The following PRKCA variants were observed in gnomAD, a reference collection of about 807,000 sequenced individuals.
The protein encoded by PRKCA is protein kinase C alpha.
PRKCA carries 27 observed loss-of-function variants against 87.0 expected under a neutral mutation model. The observed-to-expected ratio is 0.31, with a 90% confidence interval of 0.23 to 0.43. The LOEUF (loss-of-function observed/expected upper bound fraction) is 0.43, where lower values mean the gene tolerates loss of function less well. Ranked by LOEUF, PRKCA falls within the 20% of genes least tolerant of loss-of-function variation. PRKCA has a pLI of 1.00. For missense variants in PRKCA, 518 were observed against 852.3 expected (o/e 0.61, Z 4.88); for synonymous variants, 329 against 311.1 (o/e 1.06, Z -0.61).
chr17:66,688,862 G>A (rs1972701489), intron 7 of PRKCA, 89 bp from the exon 8 acceptor site: 20 of 776,158 alleles, frequency 2.6e-5, no homozygotes, highest in Non-Finnish European at 3.8e-5. Context: ...CTCTCCGTAG[G>A]ATGCGTTTCA....
intron 16 of PRKCA, among the ~76,000 whole-genome samples, chr17:66,802,524 C>CAA (rs923944049): frequency 7.5e-6 from 1 of 132,684 alleles, no homozygotes; most frequent in African/African-American, 2.8e-5. Flanking sequence ...GACTCCATCT[C>CAA]AAAAAAAAAA....
intron 3 of PRKCA, among the ~76,000 whole-genome samples, chr17:66,497,853 G>C (rs1040143623): frequency 3.3e-5 from 5 of 152,208 alleles, no homozygotes; most frequent in Admixed American, 2.0e-4. Context: ...TGTAACACAA[G>C]TAAGAAGGAA....
rs1975963083 is a variant in PRKCA at position 66,803,959 on chromosome 17, C to T, written c.1941C>T (p.Asn647=). The T allele has an allele frequency of 1.2e-6, 2 of 1,614,014 alleles. No individual in the cohort carries two copies. The highest frequency in any genetic ancestry group is 3.3e-5 in the Admixed American group (2 of 60,002). Residue 647 remains asparagine, a synonymous_variant, in exon 17 of 17, where the codon AAC becomes AAT. Transcript: ENST00000413366. This position sits in a 1 kb window ranked among gnomAD's most constrained non-coding sequence, Gnocchi z 4.4. ...CACCTGATCAGCTGGTTATTGCTAA[C>T]ATAGACCAGTCTGATTTTGAAGGGT... ...LTPPDQLVIA[N]IDQSDFEGFS...
rs150614434 is a variant in PRKCA, at chr17:66,608,101, C to T, written c.289-33254C>T. On this transcript the variant is annotated intron_variant, in intron 3 of 16. Transcript: ENST00000413366. Reference sequence around the variant, plus strand: ...GGTCTTGGAATACATTGAAGCACACCGATTGGAGCACACCGACTGAAGCAC... The same window carrying T: ...GGTCTTGGAATACATTGAAGCACACTGATTGGAGCACACCGACTGAAGCAC... Among the ~76,000 whole-genome samples, 248 of 152,104 alleles carry T rather than the reference C, an allele frequency of 1.6e-3. 1 individual carries two copies. Among genetic ancestry groups the T allele is most frequent in the Non-Finnish European group, 2.8e-3 (190 of 67,994 alleles).
intron 16 of PRKCA, among the ~76,000 whole-genome samples, chr17:66,801,681 A>G (rs1393970608): frequency 6.6e-6 from 1 of 152,188 alleles, no homozygotes; most frequent in Non-Finnish European, 1.5e-5. Flanking sequence ...GTGCTCTTCC[A>G]AGGAAATACA....
chr17:66,790,991 G>GTT (rs11358340), intron 16 of PRKCA, among the ~76,000 whole-genome samples: 133 of 143,060 alleles, frequency 9.3e-4, no homozygotes, highest in Non-Finnish European at 1.3e-3. Flanking sequence ...CTGTTTGCTG[G>GTT]TTTTTTTTTT....
At chr17:66,344,150 C>A (rs1447992987) in intron 2 of PRKCA, among the ~76,000 whole-genome samples, 2 of 152,124 alleles carry the variant, frequency 1.3e-5, no homozygotes, top group East Asian at 3.9e-4. Context: ...AGCAGAAGAA[C>A]AGTATCGATG....
chr17:66,693,347 C>T (rs1385335852), intron 8 of PRKCA, among the ~76,000 whole-genome samples: 1 of 152,212 alleles, frequency 6.6e-6, no homozygotes, highest in Non-Finnish European at 1.5e-5. Flanking sequence ...GTAAAGTACA[C>T]GTGGTCCCTG....
intron 2 of PRKCA, chr17:66,417,003 A>G (rs1912195914): frequency 6.5e-6 from 1 of 153,596 alleles, no homozygotes; most frequent in Non-Finnish European, 1.4e-5. Context: ...GGTTCAAGTG[A>G]TTCTCCTGCC....
chr17:66,339,719 C>G (rs1250594760), intron 2 of PRKCA: 1 of 152,090 alleles, frequency 6.6e-6, no homozygotes, highest in Non-Finnish European at 1.5e-5. Flanking sequence ...CTTCACTCTC[C>G]CCCAAAGACC....
At chr17:66,581,927 G>T (rs1969450943) in intron 3 of PRKCA, among the ~76,000 whole-genome samples, 1 of 152,142 alleles carries the variant, frequency 6.6e-6, no homozygotes, top group Non-Finnish European at 1.5e-5. Flanking sequence ...ACTTCTCTGG[G>T]TCTGTTTCAT....
At chr17:66,450,845 A>C (rs1437413275) in intron 2 of PRKCA, among the ~76,000 whole-genome samples, 1 of 152,212 alleles carries the variant, frequency 6.6e-6, no homozygotes, top group East Asian at 1.9e-4. Context: ...TAAAACCGCT[A>C]ACTGATGCGA....
intron 11 of PRKCA, among the ~76,000 whole-genome samples, chr17:66,739,148 C>A (rs149049682): frequency 6.6e-6 from 1 of 152,114 alleles, no homozygotes; most frequent in Non-Finnish European, 1.5e-5. Context: ...TCCCAAAGTG[C>A]GGGGATTACA....
At chr17:66,333,719 C>T (rs1253967272) in intron 2 of PRKCA, among the ~76,000 whole-genome samples, 2 of 152,054 alleles carry the variant, frequency 1.3e-5, no homozygotes, top group African/African-American at 2.4e-5. Context: ...GAACCAGTGC[C>T]TGACTCCTTG....
chr17:66,360,700 C>T (rs991322304), intron 2 of PRKCA, among the ~76,000 whole-genome samples: 3 of 152,176 alleles, frequency 2.0e-5, no homozygotes, highest in African/African-American at 7.2e-5. Context: ...AGTATCTCTC[C>T]TCCACAGGTC....
intron 2 of PRKCA, among the ~76,000 whole-genome samples, chr17:66,378,869 C>G (rs1567798523): frequency 1.3e-5 from 2 of 150,866 alleles, no homozygotes; most frequent in African/African-American, 2.4e-5. Flanking sequence ...CCACTACACT[C>G]CAACCTAAGC....
In PRKCA at chr17:66,532,373, T is replaced by A. The variant is rs539569953; in HGVS notation, c.288+36090T>A. On this transcript the variant is annotated intron_variant, in intron 3 of 16. Transcript: ENST00000413366. ...ATCCTTGAATTTTATTTTATTTTTT[T>A]ATTTTTTTTTGAGACAGAGTCTTGC... Among the ~76,000 whole-genome samples, 11 of 147,508 alleles carry A rather than the reference T, an allele frequency of 7.5e-5. No individual in the cohort carries two copies. The East Asian group carries it at 2.3e-3, about 31-fold the overall frequency.
intron 3 of PRKCA, among the ~76,000 whole-genome samples, chr17:66,633,131 G>A (rs896598856): frequency 2.6e-4 from 39 of 152,264 alleles, no homozygotes; most frequent in South Asian, 1.9e-3. Context: ...AGTGGGCCAG[G>A]CAGACCCAGC....
At chr17:66,519,244 A>G (rs1217508197) in intron 3 of PRKCA, among the ~76,000 whole-genome samples, 1 of 152,060 alleles carries the variant, frequency 6.6e-6, no homozygotes, top group African/African-American at 2.4e-5. Context: ...GTTCACAGGG[A>G]TTGTTGGAAA....
Sources: allele counts gnomAD v4.1 joint callset (sites outside exome capture counted in the v4.1 genomes callset), GRCh38; gene constraint gnomAD v4.1.1; non-coding constraint Gnocchi (gnomAD v3.1); transcripts MANE v1.5; gene names NCBI Gene and HGNC (gene_info 2026-07-23, HGNC 2026-07-21).